The following TMC5 variants were observed in gnomAD, a reference collection of about 807,000 sequenced individuals.
TMC5 encodes transmembrane channel-like protein 5.
In TMC5, 86 loss-of-function variants were observed where a neutral mutation model predicts 110.5. The observed-to-expected ratio is 0.78, with a 90% CI of 0.65 to 0.93. TMC5 has a LOEUF of 0.93. Among genes scored for constraint, TMC5 ranks in the 40% least tolerant of loss-of-function variants. The probability of loss-of-function intolerance (pLI) is 0.00; values close to 1 mark genes in which losing one functional copy is unlikely to be tolerated. For missense variants in TMC5, 1,144 were observed against 1,222.8 expected, an observed-to-expected ratio of 0.94 and a Z score of 0.96; for synonymous variants, 455 against 439.5, an observed-to-expected ratio of 1.04 and a Z score of -0.44.
intron 13 of TMC5, among the ~76,000 whole-genome samples, chr16:19,478,001 T>G (rs1470938637): frequency 6.6e-6 from 1 of 152,206 alleles, no homozygotes. Flanking sequence ...AACAATTATG[T>G]CCTAATGCTG....
Position 19,443,789 on chromosome 16 carries a change from A to T in TMC5, c.789-292A>T, listed in dbSNP as rs184189047. Among the ~76,000 whole-genome samples, 44 of 152,090 alleles carry T rather than the reference A, an allele frequency of 2.9e-4. 1 individual carries two copies. The highest frequency in any genetic ancestry group is 2.4e-3 in the Admixed American group (36 of 15,260). On this transcript the variant is annotated intron_variant, in intron 3 of 21. Transcript: ENST00000542583. ...GGTTGGATGGATGGATGGTAAATGG[A>T]TGGATGGATAAATGGATGGATGAAT...
rs374684013 is a variant in TMC5, at chr16:19,463,388, C to A, written c.1236+21C>A. ...CCCGGGTAAGTCAGTAAAACAGGCA[C>A]AGCAAGAGGGTGAAAACAGGGAGGG... On this transcript the variant is annotated intron_variant, in intron 7 of 21. Coordinates refer to ENST00000542583, the MANE Select transcript of TMC5 (RefSeq NM_001261841.2). The A allele has an allele frequency of 3.2e-6, 5 of 1,569,640 alleles. No homozygotes were observed. The East Asian group carries it at 9.0e-5, about 28-fold the overall frequency.
At chr16:19,450,882 AAGAT>A (rs1967732731) in intron 5 of TMC5, among the ~76,000 whole-genome samples, 1 of 152,198 alleles carries the variant, frequency 6.6e-6, no homozygotes, top group Non-Finnish European at 1.5e-5. Context: ...AGACTGGTGA[AAGAT>A]AGAAGGCGCT....
intron 1 of TMC5, among the ~76,000 whole-genome samples, chr16:19,421,431 C>T (rs1416141145): frequency 6.6e-6 from 1 of 152,094 alleles, no homozygotes; most frequent in East Asian, 1.9e-4. Context: ...GGCAGTTCCC[C>T]TGCACACACG....
upstream of TMC5, among the ~76,000 whole-genome samples, chr16:19,415,096 C>T (rs1386577012): frequency 2.6e-5 from 4 of 152,212 alleles, no homozygotes; most frequent in East Asian, 7.7e-4. Context: ...CCCAGTTTCT[C>T]ACTCTGGAAG....
chr16:19,442,003 A>C (rs1967500760), intron 3 of TMC5, among the ~76,000 whole-genome samples: 1 of 152,116 alleles, frequency 6.6e-6, no homozygotes, highest in Non-Finnish European at 1.5e-5. Flanking sequence ...GGGTTTCTCC[A>C]CGTTGGTCAG....
At chr16:19,457,044 G>T in intron 5 of TMC5, 1 of 1,567,514 alleles carries the variant, frequency 6.4e-7, no homozygotes, top group South Asian at 1.2e-5. Flanking sequence ...AAGAGAAGTA[G>T]GGGAGTAGGA....
In TMC5 at chr16:19,466,164, A is replaced by C; in HGVS notation, c.1568A>C (p.Asn523Thr). The stretch of plus-strand genomic sequence containing the variant: ...CACGGGAACAGCGGGGCATCCTACA[A>C]CATGCAGCTGGCCTACATCTTCACA... The part of the protein sequence containing the change: ...IQHGNSGASY[N>T]MQLAYIFTIG... The change falls in exon 9 of 22, where the codon AAC (asparagine) becomes ACC (threonine). Residue 523 changes from asparagine (N) to threonine (T), a missense_variant. Transcript: ENST00000542583. 1 of 1,614,058 alleles carries C rather than the reference A, an allele frequency of 6.2e-7. No homozygotes were observed. The highest frequency in any genetic ancestry group is 2.2e-5 in the East Asian group (1 of 44,878).
Position 19,460,338 on chromosome 16 carries a change from T to C in TMC5, c.1148+4T>C. The C allele has an allele frequency of 6.3e-7, 1 of 1,598,208 alleles. No individual in the cohort carries two copies. The highest frequency in any genetic ancestry group is 8.6e-7 in the Non-Finnish European group (1 of 1,167,998). Reference sequence around the variant, plus strand: ...TGGAAGAGAAAAGGAACCTTAGGTATGGACTAAAGGCTTTTCTTCTTTCTC... The same window carrying C: ...TGGAAGAGAAAAGGAACCTTAGGTACGGACTAAAGGCTTTTCTTCTTTCTC... On this transcript the variant is annotated splice_donor_region_variant and intron_variant, in intron 6 of 21. Coordinates refer to ENST00000542583, the MANE Select transcript of TMC5 (RefSeq NM_001261841.2).
At chr16:19,448,073 T>C (rs1967655108) in intron 4 of TMC5, among the ~76,000 whole-genome samples, 1 of 151,348 alleles carries the variant, frequency 6.6e-6, no homozygotes, top group Non-Finnish European at 1.5e-5. Context: ...GGAGAATCAC[T>C]TGAACCCGGG....
intron 1 of TMC5, chr16:19,411,537 G>A (rs1296449344): frequency 6.6e-6 from 1 of 152,168 alleles, no homozygotes; most frequent in Non-Finnish European, 1.5e-5. Context: ...TCAAACTCCG[G>A]AGACTGAATA....
rs34304163 is a variant in TMC5 at position 19,453,011 on chromosome 16, T to TTATA, written c.1048+3392_1048+3395dup. Among the ~76,000 whole-genome samples, 224 of 145,476 alleles carry TTATA rather than the reference T, an allele frequency of 1.5e-3. 1 individual carries two copies. The East Asian group carries it at 0.017, about 11-fold the overall frequency. On this transcript the variant is annotated intron_variant, in intron 5 of 21. Coordinates refer to ENST00000542583, the MANE Select transcript of TMC5 (RefSeq NM_001261841.2). ...GGTGGGAAAAAATTATATATATATA[T>TTATA]TATATATATATATATCACAGGAACC...
At chr16:19,456,601 C>A in intron 5 of TMC5, 12 of 1,502,494 alleles carry the variant, frequency 8.0e-6, no homozygotes, top group Non-Finnish European at 1.1e-5. Flanking sequence ...CCTTTGTGAT[C>A]ATCATCACTT....
intron 2 of TMC5, among the ~76,000 whole-genome samples, chr16:19,437,387 G>A (rs1426601215): frequency 6.6e-6 from 1 of 152,208 alleles, no homozygotes; most frequent in Non-Finnish European, 1.5e-5. Context: ...TGTGGGAGAG[G>A]TGTTACCCAG....
chr16:19,487,141 C>T (rs1968763478), intron 16 of TMC5, 52 bp from the exon 17 acceptor site: 2 of 1,603,814 alleles, frequency 1.2e-6, no homozygotes, highest in Admixed American at 1.7e-5. Context: ...GCTGGGGTCC[C>T]TCTGCCGCTG....
chr16:19,490,321 A>T, intron 17 of TMC5, 74 bp from the exon 18 acceptor site: 1 of 1,480,768 alleles, frequency 6.8e-7, no homozygotes, highest in Middle Eastern at 1.8e-4. Flanking sequence ...AGAGCCCAGA[A>T]GGGACACCCT....
intron 13 of TMC5, among the ~76,000 whole-genome samples, chr16:19,477,856 T>C (rs895244542): frequency 1.3e-5 from 2 of 152,224 alleles, no homozygotes; most frequent in Non-Finnish European, 2.9e-5. Context: ...CAATAGACAC[T>C]AGTAATTTTA....
Position 19,484,183 on chromosome 16 carries a change from G to T in TMC5, c.2363+2718G>T, listed in dbSNP as rs562892444. ...GCAAACACCAATATGTCATACAACG[G>T]GAAAGTTTTATTTTCTGACTCTTTA... On this transcript the variant is annotated intron_variant, in intron 15 of 21. Coordinates refer to ENST00000542583, the MANE Select transcript of TMC5 (RefSeq NM_001261841.2). Among the ~76,000 whole-genome samples the T allele has an allele frequency of 3.3e-5, 5 of 152,242 alleles. No homozygotes were observed. In the East Asian group the frequency reaches 9.6e-4, roughly 29 times the overall value.
intron 5 of TMC5, among the ~76,000 whole-genome samples, chr16:19,452,626 G>A (rs559802309): frequency 1.3e-5 from 2 of 152,170 alleles, no homozygotes; most frequent in East Asian, 3.9e-4. Flanking sequence ...CTGAGGCAGG[G>A]GAATCACTTG....
Sources: gnomAD v4.1 joint callset for allele counts (sites outside exome capture counted in the v4.1 genomes callset) on GRCh38, gnomAD v4.1.1 for gene constraint, MANE v1.5 for transcripts, NCBI Gene and HGNC (gene_info 2026-07-23, HGNC 2026-07-21) for gene names.